Variants in CNTN6 observed in about 807,000 individuals in gnomAD.
CNTN6 encodes the protein contactin 6.
Under a neutral mutation model 122.8 loss-of-function variants are expected in CNTN6, and 137 were observed. The ratio of observed to expected loss-of-function variants is 1.12; its 90% confidence interval spans 0.97 to 1.29. CNTN6 has a LOEUF of 1.29. Among genes scored for constraint, CNTN6 ranks in the 50% most tolerant of loss-of-function variants. The probability of loss-of-function intolerance (pLI) is 0.00; values close to 1 mark genes in which losing one functional copy is unlikely to be tolerated. For missense variants in CNTN6, 1,634 were observed against 1,223.4 expected, an observed-to-expected ratio of 1.34 and a Z score of -5.01; for synonymous variants, 570 against 426.0, an observed-to-expected ratio of 1.34 and a Z score of -4.16.
chr3:1,269,710 T>A (rs1032954230), intron 4 of CNTN6, among the ~76,000 whole-genome samples: 3 of 152,192 alleles, frequency 2.0e-5, no homozygotes, highest in African/African-American at 7.2e-5. Context: ...ATTTATGAAA[T>A]GTTTACCTCC....
intron 8 of CNTN6, among the ~76,000 whole-genome samples, chr3:1,324,561 C>G (rs17037671): frequency 0.013 from 1,923 of 149,712 alleles, 245 homozygotes; most frequent in African/African-American, 0.046. Context: ...CTGCACTACC[C>G]TTAGATGACC....
At chr3:1,286,641 A>T (rs1194159584) in intron 5 of CNTN6, among the ~76,000 whole-genome samples, 3 of 152,180 alleles carry the variant, frequency 2.0e-5, no homozygotes, top group Admixed American at 1.3e-4. Flanking sequence ...TCTATCATTG[A>T]TGGGCATTTG....
At chr3:1,136,400 C>T (rs1187935413) in intron 1 of CNTN6, among the ~76,000 whole-genome samples, 1 of 152,084 alleles carries the variant, frequency 6.6e-6, no homozygotes, top group East Asian at 1.9e-4. Flanking sequence ...AAAAGCACTA[C>T]AGAAAACCGA....
chr3:1,213,438 G>A (rs564482920), intron 2 of CNTN6, among the ~76,000 whole-genome samples: 15 of 151,256 alleles, frequency 9.9e-5, no homozygotes, highest in African/African-American at 2.2e-4. Flanking sequence ...CCATCTCAGC[G>A]TATTTATTTC....
chr3:1,244,745 G>C (rs1187134790), intron 4 of CNTN6, among the ~76,000 whole-genome samples: 3 of 152,076 alleles, frequency 2.0e-5, no homozygotes, highest in Non-Finnish European at 1.5e-5. Context: ...GATAGGGGTG[G>C]GGCTGTTTTA....
intron 2 of CNTN6, among the ~76,000 whole-genome samples, chr3:1,191,200 A>C (rs1003203764): frequency 6.6e-6 from 1 of 152,002 alleles, no homozygotes; most frequent in Non-Finnish European, 1.5e-5. Context: ...GGAGCTCCTG[A>C]TTCCAGAGCT....
At position 1,295,602 on chromosome 3, in the gene CNTN6, T is replaced by A; in HGVS notation, c.456T>A (p.Asp152Glu). 6.2e-7 allele frequency: 1 copy of A among 1,611,966 alleles called. No individual in the cohort carries two copies. The highest frequency in any genetic ancestry group is 8.5e-7 in the Non-Finnish European group (1 of 1,178,792). Residue 152 changes from aspartate to glutamate, a missense_variant and splice_region_variant, in exon 6 of 23, where the codon GAT becomes GAA. By Grantham distance (45) the Asp-to-Glu change is conservative. Coordinates refer to ENST00000446702, the MANE Select transcript of CNTN6 (RefSeq NM_001289080.2). Reference protein sequence around the residue: ...LLCGPPPHFGDLSYAWTFNDN... With the variant: ...LLCGPPPHFGELSYAWTFNDN... ...TTTGTTTTGTTTCTTGTTTTTCAGA[T>A]TTATCTTATGCATGGACCTTCAATG...
intron 5 of CNTN6, among the ~76,000 whole-genome samples, chr3:1,294,844 T>C (rs1339352212): frequency 6.6e-6 from 1 of 152,190 alleles, no homozygotes; most frequent in Non-Finnish European, 1.5e-5. Flanking sequence ...TATCCTTCAT[T>C]GAGATTACTC....
chr3:1,177,074 G>A (rs984037693), intron 2 of CNTN6, among the ~76,000 whole-genome samples: 3 of 152,108 alleles, frequency 2.0e-5, no homozygotes, highest in African/African-American at 7.2e-5. Context: ...ATCTAATCCT[G>A]AGGAAACAAT....
chr3:1,368,781 C>G (rs1708581395), intron 12 of CNTN6, among the ~76,000 whole-genome samples: 1 of 152,080 alleles, frequency 6.6e-6, no homozygotes, highest in Non-Finnish European at 1.5e-5. Flanking sequence ...TATGTCATCA[C>G]TCATCTATGA....
chr3:1,228,980 C>A (rs1339056917), intron 4 of CNTN6, among the ~76,000 whole-genome samples: 1 of 152,146 alleles, frequency 6.6e-6, no homozygotes. Flanking sequence ...TTTATGTTGA[C>A]CATTTTGGGG....
intron 11 of CNTN6, among the ~76,000 whole-genome samples, chr3:1,341,415 C>A (rs2126037957): frequency 6.6e-6 from 1 of 152,216 alleles, no homozygotes; most frequent in East Asian, 1.9e-4. Flanking sequence ...AAATATTTCT[C>A]TTTGGCCTAT....
intron 1 of CNTN6, among the ~76,000 whole-genome samples, chr3:1,145,012 A>C (rs2092694849): frequency 6.6e-6 from 1 of 152,152 alleles, no homozygotes; most frequent in African/African-American, 2.4e-5. Flanking sequence ...TTTGGGTGTT[A>C]GAGATTTGGA....
chr3:1,211,291 A>G (rs1181545405), intron 2 of CNTN6, among the ~76,000 whole-genome samples: 1 of 152,140 alleles, frequency 6.6e-6, no homozygotes, highest in Non-Finnish European at 1.5e-5. Flanking sequence ...CCAGGCTCAT[A>G]CAATGTGATT....
At chr3:1,098,711 C>A (rs978236081) in intron 1 of CNTN6, among the ~76,000 whole-genome samples, 1 of 143,736 alleles carries the variant, frequency 7.0e-6, no homozygotes, top group Non-Finnish European at 1.5e-5. Flanking sequence ...TTTCACAAGA[C>A]AATTTTAGGT....
At chr3:1,240,218 A>C in intron 4 of CNTN6, among the ~76,000 whole-genome samples, 1 of 152,224 alleles carries the variant, frequency 6.6e-6, no homozygotes, top group East Asian at 1.9e-4. Context: ...AGAAATAATC[A>C]TGAGAGTTTA....
In CNTN6 at chr3:1,259,809, A is replaced by C. The variant is rs571168490; in HGVS notation, c.359-18604A>C. Among the ~76,000 whole-genome samples the C allele has an allele frequency of 1.2e-3, 176 of 152,268 alleles. 2 individuals carry two copies. The highest frequency in any genetic ancestry group is 1.9e-3 in the Non-Finnish European group (126 of 68,006). ...ACCTAATGTAGACATGCTTGTATAGATGTATCCATGTATAATAATATTTGC... is the reference window on the plus strand; with the variant it reads ...ACCTAATGTAGACATGCTTGTATAGCTGTATCCATGTATAATAATATTTGC... On this transcript the variant is annotated intron_variant, in intron 4 of 22. Coordinates refer to ENST00000446702, the MANE Select transcript of CNTN6 (RefSeq NM_001289080.2).
chr3:1,169,463 C>T (rs1025684281), intron 2 of CNTN6, among the ~76,000 whole-genome samples: 1 of 152,140 alleles, frequency 6.6e-6, no homozygotes, highest in African/African-American at 2.4e-5. Context: ...GCATATTTAG[C>T]TTTTCAGGGA....
chr3:1,258,365 A>G (rs2094792948), intron 4 of CNTN6, among the ~76,000 whole-genome samples: 4 of 152,142 alleles, frequency 2.6e-5, no homozygotes, highest in Admixed American at 1.3e-4. Flanking sequence ...AAGACAAAAG[A>G]TAGTTGAGGT....
Sources: allele counts gnomAD v4.1 joint callset (sites outside exome capture counted in the v4.1 genomes callset), GRCh38; gene constraint gnomAD v4.1.1; transcripts MANE v1.5; gene names NCBI Gene and HGNC (gene_info 2026-07-23, HGNC 2026-07-21).